The following ZNF490 variants were observed in gnomAD, a reference collection of about 807,000 sequenced individuals.
ZNF490 encodes zinc finger protein 490.
A neutral mutation model predicts 17.7 loss-of-function variants in ZNF490; 11 were observed. The ratio of observed to expected loss-of-function variants is 0.62; its 90% CI spans 0.39 to 1.03. The LOEUF (loss-of-function observed/expected upper bound fraction) is 1.03, where lower values mean the gene tolerates loss of function less well. ZNF490 is among the 50% of genes least tolerant of loss of function. The probability of loss-of-function intolerance (pLI) is 0.00; values close to 1 mark genes in which losing one functional copy is unlikely to be tolerated. For synonymous variants in ZNF490, 222 were observed against 216.1 expected (o/e 1.03, Z -0.24); for missense variants, 542 against 643.4 (o/e 0.84, Z 1.71).
chr19:12,603,153 A>T (rs998153427), intron 2 of ZNF490, among the ~76,000 whole-genome samples: 29 of 152,148 alleles, frequency 1.9e-4, no homozygotes, highest in Admixed American at 2.0e-4. Context: ...CCTGGCTCAC[A>T]GTTGCTAAAA....
At chr19:12,587,393 C>T (rs2022816368) in intron 2 of ZNF490, among the ~76,000 whole-genome samples, 1 of 76,252 alleles carries the variant, frequency 1.3e-5, no homozygotes, top group African/African-American at 4.0e-5. Flanking sequence ...CTCAGCCTCC[C>T]AAAATGCTGG....
chr19:12,597,117 AGGTCTCG>A (rs749163744), intron 2 of ZNF490: 16 of 461,448 alleles, frequency 3.5e-5, no homozygotes, highest in Non-Finnish European at 7.0e-5. Flanking sequence ...TCCCCTCCTC[AGGTCTCG>A]GGACTCCCGG....
chr19:12,577,940 G>A lies in ZNF490; in HGVS notation c.*2545C>T. The A allele has an allele frequency of 1.0e-6, 1 of 985,462 alleles. No individual in the cohort carries two copies. The highest frequency in any genetic ancestry group is 1.2e-6 in the Non-Finnish European group (1 of 829,970). The allele number at this position is 985,462 out of a possible 1,614,324, so 61.0% of individuals were successfully genotyped here. A position where few individuals can be genotyped will look rare whatever the true frequency, so the allele number is the denominator to read the frequency against. On this transcript the variant is annotated 3_prime_UTR_variant, in exon 5 of 5. Coordinates refer to ENST00000311437, the MANE Select transcript of ZNF490 (RefSeq NM_020714.3). ...ACCCCTATCGTGCCTATGCAATTCAGAAAACGGAGAATTCGGAGGCTCCAG... is the reference window on the plus strand; with the variant it reads ...ACCCCTATCGTGCCTATGCAATTCAAAAAACGGAGAATTCGGAGGCTCCAG...
In ZNF490 at chr19:12,588,082, C is replaced by A. The variant is rs374657261; in HGVS notation, c.163-4526G>T. 1.6e-4 allele frequency among the ~76,000 whole-genome samples: 6 copies of A among 38,540 alleles called. 3 individuals carry two copies. The highest frequency in any genetic ancestry group is 5.9e-4 in the Non-Finnish European group (6 of 10,202). 25.3% of individuals were successfully genotyped at this position (38,540 alleles called of 152,430 possible). A position where few individuals can be genotyped will look rare whatever the true frequency, so the allele number is the denominator to read the frequency against. ...ACAGGGTTTCACCATGTTGGCCAGG[C>A]TGGTCTCAAACTCCTGACCTCAGGC... is the stretch of plus-strand genomic sequence containing the variant. On this transcript the variant is annotated intron_variant, in intron 2 of 4. Transcript: ENST00000311437.
chr19:12,583,066 C>T (rs2022760542), intron 3 of ZNF490, among the ~76,000 whole-genome samples, 156 bp from the exon 4 acceptor site: 2 of 147,000 alleles, frequency 1.4e-5, no homozygotes, highest in Non-Finnish European at 3.0e-5. Flanking sequence ...TTTTTTGAGA[C>T]AGAGTCTCGC....
At chr19:12,591,305 G>A (rs1001229907) in intron 2 of ZNF490, among the ~76,000 whole-genome samples, 1 of 151,780 alleles carries the variant, frequency 6.6e-6, no homozygotes, top group Non-Finnish European at 1.5e-5. Flanking sequence ...AGAATAAATC[G>A]CTTGAACCTG....
rs536160186 is a variant in ZNF490, at chr19:12,580,088, CAA to C, written c.*395_*396del. On this transcript the variant is annotated 3_prime_UTR_variant, in exon 5 of 5. Coordinates refer to ENST00000311437, the MANE Select transcript of ZNF490 (RefSeq NM_020714.3). ...CACCACTGCACTCCAGCCTGGGCAA[CAA>C]GAGCAAAATTACATCTCAACAAAAA... 1,173 of 976,048 alleles carry C rather than the reference CAA, an allele frequency of 1.2e-3. 10 individuals carry two copies. In the South Asian group the frequency reaches 0.021, roughly 17 times the overall value. The allele number at this position is 976,048 out of a possible 1,614,324, so 60.5% of individuals were successfully genotyped here. A position where few individuals can be genotyped will look rare whatever the true frequency, so the allele number is the denominator to read the frequency against.
At chr19:12,608,890 A>G (rs2023105409) in intron 2 of ZNF490, among the ~76,000 whole-genome samples, 1 of 152,132 alleles carries the variant, frequency 6.6e-6, no homozygotes, top group South Asian at 2.1e-4. Context: ...GATTACAGGC[A>G]TGAGCCACTG....
chr19:12,597,428 C>T (rs1029897302), intron 2 of ZNF490: 2 of 271,570 alleles, frequency 7.4e-6, no homozygotes, highest in Admixed American at 4.7e-5. Flanking sequence ...GCTAGCTTCC[C>T]AGAGTGGGTT....
At position 12,582,814 on chromosome 19, in the gene ZNF490, T is replaced by C. The variant is rs778699344; in HGVS notation, c.350+36A>G. 5.5e-6 allele frequency: 8 copies of C among 1,465,704 alleles called. No individual in the cohort carries two copies. The South Asian group carries it at 9.2e-5, about 17-fold the overall frequency. The allele number at this position is 1,465,704 out of a possible 1,614,324, so 90.8% of individuals were successfully genotyped here. The stretch of plus-strand genomic sequence containing the variant: ...AAATTTATGAAATACTAAGATTCTC[T>C]CAGGGGCTATATAATTATTTGTGAA... On this transcript the variant is annotated intron_variant, in intron 4 of 4. Coordinates refer to ENST00000311437, the MANE Select transcript of ZNF490 (RefSeq NM_020714.3).
chr19:12,582,774 C>T, intron 4 of ZNF490, 76 bp downstream of exon 4: 1 of 1,233,070 alleles, frequency 8.1e-7, no homozygotes, highest in Non-Finnish European at 1.2e-6. Context: ...TATTGTTTTG[C>T]TTGCTTGGCT....
At chr19:12,607,773 C>A (rs1289817468) in intron 2 of ZNF490, among the ~76,000 whole-genome samples, 1 of 151,532 alleles carries the variant, frequency 6.6e-6, no homozygotes, top group Non-Finnish European at 1.5e-5. Flanking sequence ...AACAGCATAG[C>A]ATCTGCAGAC....
At chr19:12,589,060 G>A (rs553421885) in intron 2 of ZNF490, among the ~76,000 whole-genome samples, 19 of 152,282 alleles carry the variant, frequency 1.2e-4, no homozygotes, top group Admixed American at 7.2e-4. Context: ...GGTGGCTCAC[G>A]CCTGTAATCC....
chr19:12,588,316 C>T, intron 2 of ZNF490, among the ~76,000 whole-genome samples: 1 of 152,154 alleles, frequency 6.6e-6, no homozygotes, highest in Middle Eastern at 3.2e-3. Context: ...TTTTTAAAAG[C>T]TGGCACAGCC....
rs1170446107 is a variant in ZNF490, at chr19:12,583,478, T to C, written c.241A>G (p.Ile81Val). Residue 81 changes from isoleucine to valine, a missense_variant, in exon 3 of 5, where the codon ATC (isoleucine) becomes GTC (valine). Coordinates refer to ENST00000311437, the MANE Select transcript of ZNF490 (RefSeq NM_020714.3). ...WALLDPGQRNIYRDVMRATFK... is the reference protein window; with the variant it reads ...WALLDPGQRNVYRDVMRATFK... ...GTTGCCCGCATCACATCTCTGTAGA[T>C]ATTCCTCTGGCCAGGATCCAGCAAA... 6.2e-7 allele frequency: 1 copy of C among 1,607,186 alleles called. No individual in the cohort carries two copies. Among genetic ancestry groups the C allele is most frequent in the Non-Finnish European group, 8.5e-7 (1 of 1,175,572 alleles).
At chr19:12,598,139 A>G (rs1043760823) in intron 2 of ZNF490, among the ~76,000 whole-genome samples, 5 of 151,614 alleles carry the variant, frequency 3.3e-5, no homozygotes, top group African/African-American at 4.8e-5. Context: ...CAGGAGAATC[A>G]CTTGAACCTG....
In ZNF490 at chr19:12,585,284, A is replaced by G. The variant is rs150972698; in HGVS notation, c.163-1728T>C. Among the ~76,000 whole-genome samples, 244 of 93,528 alleles carry G rather than the reference A, an allele frequency of 2.6e-3. 35 individuals are homozygous for G. In the East Asian group the frequency reaches 0.046, roughly 18 times the overall value. The allele number at this position is 93,528 out of a possible 152,430, so 61.4% of individuals were successfully genotyped here. ...AAGCCAGGCGGGGTGGCTCACGCCT[A>G]TAATCCCAGCACTTTGGGAGGCAGA... On this transcript the variant is annotated intron_variant, in intron 2 of 4. Coordinates refer to ENST00000311437, the MANE Select transcript of ZNF490 (RefSeq NM_020714.3).
At position 12,580,791 on chromosome 19, in the gene ZNF490, A is replaced by G; in HGVS notation, c.1284T>C (p.Leu428=). 1.2e-6 allele frequency: 2 copies of G among 1,614,200 alleles called. No homozygotes were observed. The highest frequency in any genetic ancestry group is 1.7e-6 in the Non-Finnish European group (2 of 1,180,050). Residue 428 remains leucine, a synonymous_variant, in exon 5 of 5, where the codon CTT becomes CTC. Coordinates refer to ENST00000311437, the MANE Select transcript of ZNF490 (RefSeq NM_020714.3). The part of the protein sequence containing the change: ...YECKECGKAF[L]YSTHFRIHER... ...CATGGATTCGAAAGTGAGTGGAATA[A>G]AGAAAGGCTTTACCACATTCTTTAC...
At chr19:12,600,187 C>T (rs2022985284) in intron 2 of ZNF490, among the ~76,000 whole-genome samples, 1 of 151,658 alleles carries the variant, frequency 6.6e-6, no homozygotes, top group African/African-American at 2.4e-5. Context: ...ATGGTGAAAC[C>T]CCGTCTCTAC....
Sources: allele counts gnomAD v4.1 joint callset (sites outside exome capture counted in the v4.1 genomes callset), GRCh38; gene constraint gnomAD v4.1.1; transcripts MANE v1.5; gene names NCBI Gene and HGNC (gene_info 2026-07-23, HGNC 2026-07-21).